Variants in KCTD8 observed in about 807,000 individuals in gnomAD.
The protein encoded by KCTD8 is BTB/POZ domain-containing protein KCTD8.
A neutral mutation model predicts 31.5 loss-of-function variants in KCTD8; 27 were observed. That is an observed-to-expected ratio of 0.86 (90% CI 0.63 to 1.18). The LOEUF (loss-of-function observed/expected upper bound fraction) is 1.18. Among genes scored for constraint, KCTD8 ranks in the 50% most tolerant of loss-of-function variants. The probability of loss-of-function intolerance (pLI) is 0.00; values close to 1 mark genes in which losing one functional copy is unlikely to be tolerated. For missense variants in KCTD8, 658 were observed against 647.7 expected, an observed-to-expected ratio of 1.02 and a Z score of -0.17; for synonymous variants, 290 against 280.0, an observed-to-expected ratio of 1.04 and a Z score of -0.36.
intron 1 of KCTD8, among the ~76,000 whole-genome samples, chr4:44,406,079 T>A (rs541166172): frequency 6.6e-6 from 1 of 152,130 alleles, no homozygotes; most frequent in Non-Finnish European, 1.5e-5. Context: ...TCTTTCTTTA[T>A]AATATCCTGG....
At chr4:44,432,986 T>C (rs535246243) in intron 1 of KCTD8, among the ~76,000 whole-genome samples, 1 of 151,586 alleles carries the variant, frequency 6.6e-6, no homozygotes, top group African/African-American at 2.4e-5. Flanking sequence ...GTCAATATCA[T>C]TTCCAGGCTC....
At chr4:44,320,328 T>A (rs768972653) in intron 1 of KCTD8, among the ~76,000 whole-genome samples, 14 of 152,114 alleles carry the variant, frequency 9.2e-5, no homozygotes, top group African/African-American at 2.7e-4. Flanking sequence ...GACCCCTCAT[T>A]TGAGAACTCT....
At chr4:44,439,923 TA>T (rs1169806523) in intron 1 of KCTD8, among the ~76,000 whole-genome samples, 1 of 150,368 alleles carries the variant, frequency 6.7e-6, no homozygotes, top group Non-Finnish European at 1.5e-5. Context: ...TTTATTTATT[TA>T]TTTATTTATT....
intron 1 of KCTD8, among the ~76,000 whole-genome samples, chr4:44,304,360 A>G (rs935641704): frequency 1.3e-5 from 2 of 152,178 alleles, no homozygotes; most frequent in Admixed American, 6.5e-5. Flanking sequence ...GAATTGAGGT[A>G]AAGTAGATGG....
At chr4:44,218,123 C>CTTTT (rs1560397660) in intron 1 of KCTD8, among the ~76,000 whole-genome samples, 1 of 136,608 alleles carries the variant, frequency 7.3e-6, no homozygotes, top group African/African-American at 2.9e-5. Context: ...TTTAAAATGT[C>CTTTT]CTTTTTTTTT....
intron 1 of KCTD8, among the ~76,000 whole-genome samples, chr4:44,182,169 G>A (rs549355041): frequency 2.0e-4 from 30 of 150,816 alleles, no homozygotes; most frequent in African/African-American, 6.8e-4. Context: ...AGAGGGAGGT[G>A]GGGGGGCGCC....
chr4:44,191,016 G>C (rs1206597228), intron 1 of KCTD8, among the ~76,000 whole-genome samples: 2 of 152,148 alleles, frequency 1.3e-5, no homozygotes, highest in African/African-American at 2.4e-5. Flanking sequence ...GCTGTTGTGG[G>C]AAGTCAGGGA....
intron 1 of KCTD8, among the ~76,000 whole-genome samples, chr4:44,204,269 T>C (rs868227511): frequency 1.3e-5 from 2 of 152,260 alleles, no homozygotes; most frequent in South Asian, 4.1e-4. Context: ...CATATTGTCT[T>C]ATACCCAATT....
intron 1 of KCTD8, among the ~76,000 whole-genome samples, chr4:44,300,851 A>T (rs1283113998): frequency 2.7e-5 from 4 of 150,364 alleles, no homozygotes; most frequent in Non-Finnish European, 4.4e-5. Context: ...TATCTCCCAA[A>T]GCTATCCCTC....
At chr4:44,371,159 T>C (rs963292698) in intron 1 of KCTD8, among the ~76,000 whole-genome samples, 11 of 152,146 alleles carry the variant, frequency 7.2e-5, no homozygotes, top group African/African-American at 2.6e-4. Flanking sequence ...GCAGATAAGG[T>C]GATTTTGCCC....
At chr4:44,416,538 C>T (rs377640447) in intron 1 of KCTD8, among the ~76,000 whole-genome samples, 4 of 152,056 alleles carry the variant, frequency 2.6e-5, no homozygotes, top group African/African-American at 9.7e-5. Flanking sequence ...ATCATAGGGG[C>T]GGATCTCTCA....
chr4:44,395,685 A>G (rs1302189322), intron 1 of KCTD8, among the ~76,000 whole-genome samples: 1 of 151,974 alleles, frequency 6.6e-6, no homozygotes, highest in Non-Finnish European at 1.5e-5. Context: ...GAGTGTATAC[A>G]TTTACCTTTG....
At chr4:44,401,195 G>A (rs1244415309) in intron 1 of KCTD8, among the ~76,000 whole-genome samples, 1 of 151,794 alleles carries the variant, frequency 6.6e-6, no homozygotes, top group Non-Finnish European at 1.5e-5. Flanking sequence ...AGTTGGGTAT[G>A]ATTAAGTAAA....
chr4:44,375,345 G>A (rs1262071093), intron 1 of KCTD8, among the ~76,000 whole-genome samples: 1 of 152,124 alleles, frequency 6.6e-6, no homozygotes, highest in African/African-American at 2.4e-5. Context: ...AATCAAGGTA[G>A]CCTAGGAAAG....
At chr4:44,382,308 T>C (rs1442819463) in intron 1 of KCTD8, among the ~76,000 whole-genome samples, 4 of 152,000 alleles carry the variant, frequency 2.6e-5, no homozygotes, top group East Asian at 3.9e-4. Context: ...ACACCCTTCA[T>C]GAAAACAGCT....
intron 1 of KCTD8, among the ~76,000 whole-genome samples, chr4:44,429,263 T>C (rs762546386): frequency 1.4e-4 from 21 of 151,816 alleles, no homozygotes; most frequent in Non-Finnish European, 2.7e-4. Flanking sequence ...GTACAAGTAT[T>C]GGACAAGGGC....
chr4:44,412,123 T>C lies in KCTD8; in HGVS notation c.961+35440A>G, dbSNP rs1174430535. On this transcript the variant is annotated intron_variant, in intron 1 of 1. Transcript: ENST00000360029. ...CAGGGTAAATAATTTGGAAAGAGAA[T>C]TGAGAGAAGATATTCATGTGGCCAA... Among the ~76,000 whole-genome samples the C allele has an allele frequency of 3.3e-5, 5 of 152,166 alleles. No individual in the cohort carries two copies. The East Asian group carries it at 9.7e-4, about 29-fold the overall frequency.
At chr4:44,347,069 G>T (rs577510930) in intron 1 of KCTD8, among the ~76,000 whole-genome samples, 1 of 152,266 alleles carries the variant, frequency 6.6e-6, no homozygotes, top group African/African-American at 2.4e-5. Flanking sequence ...GCCATGTTAT[G>T]GTTGGGGGTG....
At chr4:44,336,149 C>CAAAAAAAAAAAAAAAA (rs58161667) in intron 1 of KCTD8, among the ~76,000 whole-genome samples, 1 of 46,526 alleles carries the variant, frequency 2.1e-5, no homozygotes, top group African/African-American at 8.2e-5. Context: ...GACTCCGTCT[C>CAAAAAAAAAAAAAAAA]AAAAAAAAAA....
Sources: gnomAD v4.1 joint callset for allele counts (sites outside exome capture counted in the v4.1 genomes callset) on GRCh38, gnomAD v4.1.1 for gene constraint, MANE v1.5 for transcripts, NCBI Gene and HGNC (gene_info 2026-07-23, HGNC 2026-07-21) for gene names.